ASB5: variants seen among roughly 807,000 people sequenced by gnomAD.
ASB5 encodes the protein ankyrin repeat and SOCS box protein 5.
A neutral mutation model predicts 42.1 loss-of-function variants in ASB5; 45 were observed. The ratio of observed to expected loss-of-function variants is 1.07; its 90% CI spans 0.84 to 1.37. The LOEUF (loss-of-function observed/expected upper bound fraction) is 1.37, where lower values mean the gene tolerates loss of function less well. Ranked by LOEUF, ASB5 falls within the 40% of genes most tolerant of loss-of-function variation. The pLI, the probability that ASB5 is intolerant of heterozygous loss-of-function variation, is 0.00. For missense variants in ASB5, 402 were observed against 399.8 expected (o/e 1.01, Z -0.05); for synonymous variants, 147 against 150.6 (o/e 0.98, Z 0.18).
chr4:176,276,923 G>A (rs1188326430), intron 1 of ASB5, among the ~76,000 whole-genome samples: 9 of 152,170 alleles, frequency 5.9e-5, no homozygotes, highest in Non-Finnish European at 1.3e-4. Context: ...TATGTCCCAG[G>A]AAAATCAGGA....
intron 1 of ASB5, among the ~76,000 whole-genome samples, chr4:176,265,344 T>G (rs998233682): frequency 3.5e-4 from 53 of 152,286 alleles, no homozygotes; most frequent in African/African-American, 1.2e-3. Flanking sequence ...AAGTACAGAT[T>G]AGAAAATGAC....
chr4:176,234,803 A>G (rs1256223673), intron 1 of ASB5, among the ~76,000 whole-genome samples: 1 of 152,180 alleles, frequency 6.6e-6, no homozygotes, highest in African/African-American at 2.4e-5. Flanking sequence ...TGTTTTTTAC[A>G]CTGCTAAGTT....
upstream of ASB5, among the ~76,000 whole-genome samples, chr4:176,273,929 A>T (rs898704227): frequency 1.3e-5 from 2 of 152,238 alleles, no homozygotes; most frequent in African/African-American, 4.8e-5. Context: ...TTATAAACCC[A>T]GCATTTCTTT....
intron 1 of ASB5, among the ~76,000 whole-genome samples, chr4:176,232,126 TAC>T (rs35434715): frequency 0.1 from 14,373 of 143,156 alleles, 806 homozygotes; most frequent in African/African-American, 0.14. Context: ...TATATATATA[TAC>T]TTTTTTTTTT....
intron 1 of ASB5, among the ~76,000 whole-genome samples, chr4:176,256,575 G>C (rs1754161454): frequency 6.6e-6 from 1 of 152,088 alleles, no homozygotes; most frequent in Admixed American, 6.5e-5. Context: ...AATATACTCT[G>C]CTTATTTTTA....
At position 176,218,740 on chromosome 4, in the gene ASB5, AATAT is replaced by A. The variant is rs1241443144; in HGVS notation, c.671-1735_671-1732del. Among the ~76,000 whole-genome samples, 5 of 24,658 alleles carry A rather than the reference AATAT, an allele frequency of 2.0e-4. 2 individuals are homozygous for A. The South Asian group carries it at 3.6e-3, about 18-fold the overall frequency. The allele number at this position is 24,658 out of a possible 152,430, so 16.2% of individuals were successfully genotyped here. On this transcript the variant is annotated intron_variant, in intron 5 of 6. Coordinates refer to ENST00000296525, the MANE Select transcript of ASB5 (RefSeq NM_080874.4). Reference sequence around the variant, plus strand: ...GATATATACATTTGTATGATATATAAATATATATATTTGTATGATATATAAATAT... The same window carrying A: ...GATATATACATTTGTATGATATATAAATATATTTGTATGATATATAAATAT...
intron 1 of ASB5, among the ~76,000 whole-genome samples, chr4:176,252,466 G>A (rs74768987): frequency 0.11 from 16,291 of 152,192 alleles, 1,127 homozygotes; most frequent in Non-Finnish European, 0.14. Flanking sequence ...TTCCTTCCAT[G>A]AATATTCATT....
At position 176,222,847 on chromosome 4, in the gene ASB5, G is replaced by T. The variant is rs182029415; in HGVS notation, c.277-427C>A. On this transcript the variant is annotated intron_variant, in intron 2 of 6. Coordinates refer to ENST00000296525, the MANE Select transcript of ASB5 (RefSeq NM_080874.4). The stretch of plus-strand genomic sequence containing the variant: ...AGCTGGAGTGCAGTGGCGCAATCTC[G>T]GCTCACTGCAAGCTCCGCCTCCCGG... Among the ~76,000 whole-genome samples the T allele has an allele frequency of 8.7e-3, 1,323 of 152,124 alleles. 25 individuals carry two copies. The highest frequency in any genetic ancestry group is 0.03 in the African/African-American group (1,245 of 41,496).
intron 1 of ASB5, among the ~76,000 whole-genome samples, chr4:176,243,558 G>A (rs138982633): frequency 3.0e-3 from 457 of 151,626 alleles, no homozygotes; most frequent in South Asian, 8.1e-3. Flanking sequence ...GCTGGAGTGC[G>A]ATGGCACAAT....
At chr4:176,265,083 T>G (rs1754330466) in intron 1 of ASB5, among the ~76,000 whole-genome samples, 1 of 152,158 alleles carries the variant, frequency 6.6e-6, no homozygotes. Flanking sequence ...CCTTTTTTAT[T>G]TTCCCACCTT....
chr4:176,221,208 T>C lies in ASB5; in HGVS notation c.617A>G (p.Tyr206Cys), dbSNP rs1753194104. 26 of 1,613,986 alleles carry C rather than the reference T, an allele frequency of 1.6e-5. No homozygotes were observed. Among genetic ancestry groups the C allele is most frequent in the African/African-American group, 4.0e-5 (3 of 74,914 alleles). The change falls in exon 5 of 7, where the codon TAT becomes TGT. Residue 206 changes from tyrosine (Y) to cysteine (C), a missense_variant. Coordinates refer to ENST00000296525, the MANE Select transcript of ASB5 (RefSeq NM_080874.4). ...GAATTGCTGTGACATACAAGCTACA[T>C]AGAGAGGAGTTCCCAAATGAGGAAT... ...QEIPHLGTPL[Y>C]VACMSQQFHC...
At chr4:176,229,705 G>A (rs571850831) in intron 1 of ASB5, among the ~76,000 whole-genome samples, 88 of 151,958 alleles carry the variant, frequency 5.8e-4, no homozygotes, top group South Asian at 6.2e-4. Context: ...CAGATATTAC[G>A]TATGTGCACT....
chr4:176,234,749 A>C (rs143934148), intron 1 of ASB5, among the ~76,000 whole-genome samples: 1,638 of 152,252 alleles, frequency 0.011, 30 homozygotes, highest in African/African-American at 0.037. Flanking sequence ...GAAAGGAGGC[A>C]TATCCGAATT....
intron 1 of ASB5, among the ~76,000 whole-genome samples, chr4:176,249,141 A>G (rs1753969307): frequency 1.3e-5 from 2 of 152,054 alleles, no homozygotes; most frequent in Admixed American, 1.3e-4. Context: ...TAATTTTTGT[A>G]TTTTTAGTAG....
exon 2 of ASB5, chr4:176,275,798 G>C (rs1245642004): frequency 6.6e-6 from 1 of 152,194 alleles, no homozygotes; most frequent in Non-Finnish European, 1.5e-5. Flanking sequence ...ATACAAACCT[G>C]GAAATTGGGA....
At chr4:176,218,437 T>C (rs1753049674) in intron 5 of ASB5, among the ~76,000 whole-genome samples, 1 of 126,616 alleles carries the variant, frequency 7.9e-6, no homozygotes, top group Non-Finnish European at 1.5e-5. Flanking sequence ...GTATGATATA[T>C]AAATATATAT....
intron 1 of ASB5, among the ~76,000 whole-genome samples, chr4:176,259,534 G>T (rs538507988): frequency 1.3e-5 from 2 of 152,312 alleles, no homozygotes; most frequent in East Asian, 3.9e-4. Flanking sequence ...CTCTTGTAGT[G>T]CATTGAGTCT....
At chr4:176,256,403 G>C (rs1274688629) in intron 1 of ASB5, among the ~76,000 whole-genome samples, 1 of 152,132 alleles carries the variant, frequency 6.6e-6, no homozygotes, top group Non-Finnish European at 1.5e-5. Context: ...CTTCAGACAG[G>C]CTTTGCAGTG....
chr4:176,216,674 A>G, intron 6 of ASB5, 144 bp downstream of exon 6: 1 of 737,918 alleles, frequency 1.4e-6, no homozygotes, highest in Non-Finnish European at 2.1e-6. Context: ...GATAAAACCT[A>G]AGTTAAAAAT....
Sources: allele counts gnomAD v4.1 joint callset (sites outside exome capture counted in the v4.1 genomes callset), GRCh38; gene constraint gnomAD v4.1.1; transcripts MANE v1.5; gene names NCBI Gene and HGNC (gene_info 2026-07-23, HGNC 2026-07-21).